MYLK: variants seen among roughly 807,000 people sequenced by gnomAD.
MYLK encodes myosin light chain kinase, smooth muscle.
A neutral mutation model predicts 203.4 loss-of-function variants in MYLK; 106 were observed. The observed-to-expected ratio is 0.52, with a 90% confidence interval of 0.45 to 0.61. MYLK has a LOEUF of 0.61. MYLK is among the 20% of genes least tolerant of loss of function. MYLK has a pLI of 0.00. For synonymous variants in MYLK, 867 were observed against 959.5 expected (o/e 0.90, Z 1.78); for missense variants, 2,072 against 2,442.3 (o/e 0.85, Z 3.20).
intron 20 of MYLK, among the ~76,000 whole-genome samples, chr3:123,676,827 T>G (rs2060085130): frequency 6.6e-6 from 1 of 152,244 alleles, no homozygotes; most frequent in South Asian, 2.1e-4. Context: ...GTTTCTGTCT[T>G]CAAGGTGTAA....
rs1269339128 is a variant in MYLK at position 123,733,981 on chromosome 3, G to A, written c.1015C>T (p.Gln339Ter). ...AGGGTGATGGAGCTGGAAGTCTTCT[G>A]AAGGACCGGGGTCTGCGGGGCCGTT... ...PRTAPQTPVLQKTSSSITLQA... is the reference protein window; with the variant it reads ...PRTAPQTPVL Residue 339 changes from glutamine (Q) to a stop codon, truncating the protein, a stop_gained, in exon 10 of 34, where the codon CAG becomes TAG. Transcript: ENST00000360304. LOFTEE classifies it high-confidence loss of function. The A allele has an allele frequency of 6.2e-7, 1 of 1,614,188 alleles. No individual in the cohort carries two copies. The highest frequency in any genetic ancestry group is 1.1e-5 in the South Asian group (1 of 91,070).
At chr3:123,723,759 G>A (rs1191705215) in intron 12 of MYLK, among the ~76,000 whole-genome samples, 1 of 152,194 alleles carries the variant, frequency 6.6e-6, no homozygotes, top group Non-Finnish European at 1.5e-5. Flanking sequence ...TAGTGGAATG[G>A]GTGTGGAAAC....
intron 5 of MYLK, among the ~76,000 whole-genome samples, chr3:123,740,443 G>A (rs1358476305): frequency 6.6e-6 from 1 of 152,222 alleles, no homozygotes; most frequent in African/African-American, 2.4e-5. Flanking sequence ...GGGAGGGAGG[G>A]AAAGGCCCAT....
Position 123,759,782 on chromosome 3 carries a change from C to T in MYLK, c.166-7244G>A, listed in dbSNP as rs139989839. 6.9e-3 allele frequency among the ~76,000 whole-genome samples: 1,053 copies of T among 152,310 alleles called. 8 individuals are homozygous for T. The highest frequency in any genetic ancestry group is 0.02 in the Middle Eastern group (6 of 294). On this transcript the variant is annotated intron_variant, in intron 4 of 33. Coordinates refer to ENST00000360304, the MANE Select transcript of MYLK (RefSeq NM_053025.4). ...ATGTAAGACTTAGCCTATCTGCAGC[C>T]GTTCTCTCCCAAGCCCCATTATCTA...
Position 123,733,986 on chromosome 3 carries a change from A to C in MYLK, c.1010T>G (p.Val337Gly). ...GATGGAGCTGGAAGTCTTCTGAAGG[A>C]CCGGGGTCTGCGGGGCCGTTCTGGG... ...DSPRTAPQTP[V>G]LQKTSSSITL... The change falls in exon 10 of 34, where the codon GTC (valine) becomes GGC (glycine). Residue 337 changes from valine (V) to glycine (G), a missense_variant. Transcript: ENST00000360304. 1 of 1,614,102 alleles carries C rather than the reference A, an allele frequency of 6.2e-7. No homozygotes were observed. The highest frequency in any genetic ancestry group is 1.1e-5 in the South Asian group (1 of 91,058).
rs1359626662 is a variant in MYLK, at chr3:123,700,310, G to T, written c.3158C>A (p.Ala1053Asp). 4.3e-6 allele frequency: 7 copies of T among 1,613,868 alleles called. No individual in the cohort carries two copies. Among genetic ancestry groups the T allele is most frequent in the Non-Finnish European group, 5.9e-6 (7 of 1,179,946 alleles). The change falls in exon 18 of 34, where the codon GCC becomes GAC. Residue 1053 changes from alanine (A) to aspartate (D), a missense_variant. By Grantham distance (126) the Ala-to-Asp change is moderately radical. Transcript: ENST00000360304. The stretch of plus-strand genomic sequence containing the variant: ...GGATTTCAGGTTCTCATCAGGCTTG[G>T]CATTGCCCATGGGCTTCAGGGTCTC... ...PAETLKPMGN[A>D]KPDENLKSAS...
intron 13 of MYLK, chr3:123,716,497 A>G (rs2061899907): frequency 6.6e-6 from 1 of 152,236 alleles, no homozygotes; most frequent in South Asian, 2.1e-4. Flanking sequence ...ACAATGACGT[A>G]TAATATCCCA....
chr3:123,688,907 C>T (rs114188622), intron 19 of MYLK, among the ~76,000 whole-genome samples: 9 of 152,332 alleles, frequency 5.9e-5, no homozygotes, highest in East Asian at 1.9e-4. Flanking sequence ...TAGCTGGTGA[C>T]ATTACCTGAG....
intron 19 of MYLK, chr3:123,691,638 T>C (rs2060672737): frequency 6.6e-6 from 1 of 152,178 alleles, no homozygotes; most frequent in Admixed American, 6.5e-5. Context: ...GGGCTCTACA[T>C]GGTGTGGAAT....
At chr3:123,727,424 T>C (rs560513902) in intron 11 of MYLK, among the ~76,000 whole-genome samples, 1 of 152,378 alleles carries the variant, frequency 6.6e-6, no homozygotes, top group South Asian at 2.1e-4. Flanking sequence ...AAATATGCTC[T>C]CTTTTACAAG....
chr3:123,786,709 A>T (rs957495495), intron 4 of MYLK, among the ~76,000 whole-genome samples: 1 of 152,230 alleles, frequency 6.6e-6, no homozygotes, highest in African/African-American at 2.4e-5. Context: ...CCCATTCTCT[A>T]CAATGTGTTT....
intron 3 of MYLK, among the ~76,000 whole-genome samples, chr3:123,825,166 A>G (rs893787351): frequency 1.9e-4 from 29 of 152,144 alleles, no homozygotes; most frequent in Non-Finnish European, 3.8e-4. Flanking sequence ...AAAGAAAAAA[A>G]AAGTCATAGA....
At chr3:123,855,330 T>A (rs185182111) in intron 2 of MYLK, among the ~76,000 whole-genome samples, 137 of 152,352 alleles carry the variant, frequency 9.0e-4, no homozygotes, top group African/African-American at 3.2e-3. Context: ...TTCTCCGTAC[T>A]ATTTTCCAAT....
chr3:123,704,745 T>TACA (rs2061387589), intron 16 of MYLK, among the ~76,000 whole-genome samples: 2 of 15,060 alleles, frequency 1.3e-4, no homozygotes, highest in East Asian at 5.0e-3. Context: ...CTACTAAAAA[T>TACA]ACAAAAAAAA....
chr3:123,807,505 G>A (rs1438415577), intron 3 of MYLK, among the ~76,000 whole-genome samples: 2 of 151,968 alleles, frequency 1.3e-5, no homozygotes, highest in African/African-American at 4.8e-5. Context: ...CCAGTGTAAC[G>A]AATGTATTGA....
At chr3:123,618,418 G>A (rs2057638125) in intron 33 of MYLK, 2 of 557,616 alleles carry the variant, frequency 3.6e-6, no homozygotes, top group Non-Finnish European at 6.4e-6. Flanking sequence ...TTTCAAATGT[G>A]CCCCCTGGGG....
intron 2 of MYLK, among the ~76,000 whole-genome samples, chr3:123,867,834 G>A (rs2032442026): frequency 1.3e-5 from 2 of 152,094 alleles, no homozygotes; most frequent in Admixed American, 1.3e-4. Flanking sequence ...CCTCCCTACA[G>A]TCCTCAGGTC....
intron 9 of MYLK, 28 bp from the exon 10 acceptor site, chr3:123,734,250 G>GGGGGGGT: frequency 7.3e-7 from 1 of 1,375,946 alleles, no homozygotes; most frequent in Non-Finnish European, 9.7e-7. Context: ...TGGGGGTAGG[G>GGGGGGGT]TGGGTGAGGA....
intron 11 of MYLK, among the ~76,000 whole-genome samples, chr3:123,728,165 GAAATT>G (rs980765761): frequency 6.6e-6 from 1 of 152,174 alleles, no homozygotes; most frequent in Non-Finnish European, 1.5e-5. Flanking sequence ...CAGAATGCCA[GAAATT>G]AACCACAGGC....
Sources: allele counts gnomAD v4.1 joint callset (sites outside exome capture counted in the v4.1 genomes callset), GRCh38; gene constraint gnomAD v4.1.1; transcripts MANE v1.5; gene names NCBI Gene and HGNC (gene_info 2026-07-23, HGNC 2026-07-21).